The following ATG10 variants were observed in gnomAD, a reference collection of about 807,000 sequenced individuals.
The protein encoded by ATG10 is ubiquitin-like-conjugating enzyme ATG10.
Under a neutral mutation model 32.1 loss-of-function variants are expected in ATG10, and 30 were observed. The observed-to-expected ratio is 0.94, with a 90% CI of 0.70 to 1.27. ATG10 has a LOEUF of 1.27. ATG10 is among the 50% of genes most tolerant of loss of function. The pLI, the probability that ATG10 is intolerant of heterozygous loss-of-function variation, is 0.00. For missense variants in ATG10, 233 were observed against 262.3 expected (o/e 0.89, Z 0.77); for synonymous variants, 87 against 91.5 (o/e 0.95, Z 0.28).
At chr5:81,977,587 G>T (rs1295473972) in intron 1 of ATG10, among the ~76,000 whole-genome samples, 1 of 152,190 alleles carries the variant, frequency 6.6e-6, no homozygotes, top group South Asian at 2.1e-4. Flanking sequence ...TCCATCCACT[G>T]ACATTTGTTT....
intron 3 of ATG10, among the ~76,000 whole-genome samples, chr5:82,151,973 A>G (rs1221756899): frequency 6.6e-6 from 1 of 152,234 alleles, no homozygotes; most frequent in African/African-American, 2.4e-5. Context: ...TCACCTATCA[A>G]AACAATGTAA....
chr5:82,038,659 A>G (rs555820608), intron 2 of ATG10, among the ~76,000 whole-genome samples: 1 of 152,296 alleles, frequency 6.6e-6, no homozygotes, highest in South Asian at 2.1e-4. Context: ...AGCAGAAGCT[A>G]TATTCTAACA....
chr5:82,190,340 A>G (rs1260391588), intron 5 of ATG10, among the ~76,000 whole-genome samples: 1 of 151,866 alleles, frequency 6.6e-6, no homozygotes, highest in African/African-American at 2.4e-5. Context: ...CTTTATCTAT[A>G]ATGTATATTC....
chr5:82,017,804 T>G (rs79428407), intron 2 of ATG10, among the ~76,000 whole-genome samples: 223 of 152,312 alleles, frequency 1.5e-3, no homozygotes, highest in African/African-American at 5.0e-3. Context: ...GGATTGATCA[T>G]TCTTTCCTCC....
intron 3 of ATG10, among the ~76,000 whole-genome samples, chr5:82,148,504 T>C (rs927565383): frequency 2.6e-5 from 4 of 152,188 alleles, no homozygotes; most frequent in African/African-American, 9.7e-5. Context: ...ACTGACTCAT[T>C]CCATTCAACA....
At chr5:82,216,256 A>G (rs940557535) in intron 5 of ATG10, among the ~76,000 whole-genome samples, 1 of 152,224 alleles carries the variant, frequency 6.6e-6, no homozygotes, top group African/African-American at 2.4e-5. Flanking sequence ...AAGGGCAACA[A>G]AAAGAGATTC....
intron 1 of ATG10, among the ~76,000 whole-genome samples, chr5:81,983,207 A>C (rs1761114531): frequency 1.4e-5 from 2 of 142,636 alleles, no homozygotes; most frequent in African/African-American, 5.3e-5. Flanking sequence ...TCCCTCCCGG[A>C]CGGGGCGACT....
At chr5:82,149,882 C>T (rs1391381034) in intron 3 of ATG10, among the ~76,000 whole-genome samples, 1 of 152,016 alleles carries the variant, frequency 6.6e-6, no homozygotes, top group Non-Finnish European at 1.5e-5. Context: ...TGTCAGATTT[C>T]GTCATGTTGG....
At chr5:81,983,434 G>A (rs573820441) in intron 1 of ATG10, among the ~76,000 whole-genome samples, 177 of 136,818 alleles carry the variant, frequency 1.3e-3, no homozygotes, top group African/African-American at 4.7e-3. Flanking sequence ...CCTCCCTCCC[G>A]GACGGGGTGG....
intron 3 of ATG10, among the ~76,000 whole-genome samples, chr5:82,148,716 A>G (rs953614440): frequency 6.6e-6 from 1 of 152,116 alleles, no homozygotes; most frequent in African/African-American, 2.4e-5. Flanking sequence ...TTTGAAATTT[A>G]TTTATTTCAG....
chr5:82,045,760 G>C (rs564766563), intron 2 of ATG10, among the ~76,000 whole-genome samples: 2 of 151,976 alleles, frequency 1.3e-5, no homozygotes, highest in Non-Finnish European at 2.9e-5. Flanking sequence ...AGGCTGAGTG[G>C]ATTCTATCCT....
At chr5:82,003,436 G>A (rs1339840105) in intron 2 of ATG10, among the ~76,000 whole-genome samples, 1 of 152,178 alleles carries the variant, frequency 6.6e-6, no homozygotes, top group African/African-American at 2.4e-5. Flanking sequence ...TACAAACTGA[G>A]CCTGGGTTTT....
chr5:81,983,928 C>A (rs1451924464), intron 1 of ATG10, among the ~76,000 whole-genome samples: 5 of 151,622 alleles, frequency 3.3e-5, no homozygotes, highest in African/African-American at 1.2e-4. Flanking sequence ...AGACACTCCT[C>A]ACTTCCTAGA....
At chr5:82,154,588 C>CT (rs1032807505) in intron 3 of ATG10, among the ~76,000 whole-genome samples, 5 of 152,100 alleles carry the variant, frequency 3.3e-5, no homozygotes, top group African/African-American at 1.2e-4. Context: ...AAATTCTGTG[C>CT]TTTTTTATTT....
chr5:82,219,822 G>A (rs1199798617), intron 5 of ATG10, among the ~76,000 whole-genome samples: 1 of 152,212 alleles, frequency 6.6e-6, no homozygotes, highest in Non-Finnish European at 1.5e-5. Flanking sequence ...GGGAGTAGAA[G>A]TGATTTATTT....
intron 1 of ATG10, among the ~76,000 whole-genome samples, chr5:81,977,937 A>G (rs1193224920): frequency 3.9e-5 from 6 of 152,262 alleles, no homozygotes; most frequent in Non-Finnish European, 2.9e-5. Context: ...TGTGCCTTTC[A>G]TTACAAAAAT....
At chr5:82,091,907 G>A (rs1764899776) in intron 3 of ATG10, among the ~76,000 whole-genome samples, 1 of 152,166 alleles carries the variant, frequency 6.6e-6, no homozygotes, top group African/African-American at 2.4e-5. Flanking sequence ...TCATATTACA[G>A]TGAACACAAT....
chr5:82,200,976 C>G (rs1031626541), intron 5 of ATG10, among the ~76,000 whole-genome samples: 3 of 151,698 alleles, frequency 2.0e-5, no homozygotes, highest in Non-Finnish European at 4.4e-5. Context: ...CCTCTGCTCC[C>G]CGGGCTCAAG....
At chr5:82,083,191 C>T (rs1365105977) in intron 3 of ATG10, among the ~76,000 whole-genome samples, 1 of 152,236 alleles carries the variant, frequency 6.6e-6, no homozygotes, top group African/African-American at 2.4e-5. Flanking sequence ...ATATCCTGTG[C>T]CTGGCTCGTA....
Sources: gnomAD v4.1 joint callset for allele counts (sites outside exome capture counted in the v4.1 genomes callset) on GRCh38, gnomAD v4.1.1 for gene constraint, MANE v1.5 for transcripts, NCBI Gene and HGNC (gene_info 2026-07-23, HGNC 2026-07-21) for gene names.